Variants in MAGI3 observed in about 807,000 individuals in gnomAD.
The protein encoded by MAGI3 is membrane-associated guanylate kinase, WW and PDZ domain-containing protein 3.
A neutral mutation model predicts 121.8 loss-of-function variants in MAGI3; 43 were observed. That is an observed-to-expected ratio of 0.35 (90% CI 0.28 to 0.46). The LOEUF (loss-of-function observed/expected upper bound fraction) is 0.46. Among genes scored for constraint, MAGI3 ranks in the 20% least tolerant of loss-of-function variants. The probability of loss-of-function intolerance (pLI) is 1.00; values close to 1 mark genes in which losing one functional copy is unlikely to be tolerated. For missense variants in MAGI3, 1,547 were observed against 1,797.3 expected (o/e 0.86, Z 2.52); for synonymous variants, 553 against 639.3 (o/e 0.86, Z 2.04).
chr1:113,429,624 A>G (rs527621675), intron 1 of MAGI3, among the ~76,000 whole-genome samples: 3 of 152,310 alleles, frequency 2.0e-5, no homozygotes, highest in African/African-American at 7.2e-5. Flanking sequence ...TTGGTTGCGG[A>G]AAGTGACCAG....
In MAGI3 at chr1:113,653,847, G is replaced by A. The variant is rs867000529; in HGVS notation, c.2458G>A (p.Asp820Asn). ...TATTACAGAAAAACAACCCGAGGACGACAGCTCTCAGGCCTTCATTTCAAC... is the reference window on the plus strand; with the variant it reads ...TATTACAGAAAAACAACCCGAGGACAACAGCTCTCAGGCCTTCATTTCAAC... ...IFYGEKQPED[D>N]SSQAFISTQN... The change falls in exon 15 of 21, where the codon GAC becomes AAC. Residue 820 changes from aspartate (D) to asparagine (N), a missense_variant. Transcript: ENST00000307546. The A allele has an allele frequency of 1.7e-5, 27 of 1,601,776 alleles. No individual in the cohort carries two copies. The highest frequency in any genetic ancestry group is 6.8e-5 in the African/African-American group (5 of 73,950).
At chr1:113,581,772 A>G (rs1012622360) in intron 3 of MAGI3, among the ~76,000 whole-genome samples, 14 of 151,930 alleles carry the variant, frequency 9.2e-5, no homozygotes, top group Non-Finnish European at 1.6e-4. Context: ...TAACCTAACT[A>G]CCTTTTCTGG....
At chr1:113,433,468 G>A (rs1653406433) in intron 1 of MAGI3, among the ~76,000 whole-genome samples, 2 of 152,126 alleles carry the variant, frequency 1.3e-5, no homozygotes, top group African/African-American at 4.8e-5. Context: ...TAAATCCATA[G>A]CTATTAGGAA....
At chr1:113,604,980 TATATA>T (rs1338073092) in intron 6 of MAGI3, among the ~76,000 whole-genome samples, 6 of 149,818 alleles carry the variant, frequency 4.0e-5, no homozygotes, top group Admixed American at 2.0e-4. Flanking sequence ...ACATATATAA[TATATA>T]ATATATGTAA....
At chr1:113,643,654 T>G (rs1652672638) in intron 10 of MAGI3, 89 bp from the exon 11 acceptor site, 3 of 1,236,394 alleles carry the variant, frequency 2.4e-6, no homozygotes, top group Non-Finnish European at 3.6e-6. Flanking sequence ...TACTAAAAGT[T>G]GAAGCTAGTT....
intron 5 of MAGI3, among the ~76,000 whole-genome samples, chr1:113,591,218 C>T (rs573758970): frequency 3.3e-5 from 5 of 151,914 alleles, no homozygotes; most frequent in African/African-American, 7.2e-5. Context: ...TACTGATTAC[C>T]ATATATATTA....
chr1:113,589,827 A>G (rs1051945742), intron 4 of MAGI3, among the ~76,000 whole-genome samples: 1 of 152,144 alleles, frequency 6.6e-6, no homozygotes, highest in Non-Finnish European at 1.5e-5. Flanking sequence ...TCTTACCTAC[A>G]TTATGGGCTT....
At chr1:113,584,967 CT>C (rs58296325) in intron 3 of MAGI3, among the ~76,000 whole-genome samples, 41 of 135,748 alleles carry the variant, frequency 3.0e-4, no homozygotes, top group East Asian at 2.2e-3. Flanking sequence ...TAGATATTTC[CT>C]TTTTTTTTTT....
intron 1 of MAGI3, among the ~76,000 whole-genome samples, chr1:113,396,173 T>A (rs1177747562): frequency 6.6e-6 from 1 of 152,048 alleles, no homozygotes; most frequent in African/African-American, 2.4e-5. Context: ...AACCCCTAAG[T>A]GCTTTGTAAT....
At chr1:113,495,337 G>GT (rs1346082138) in intron 1 of MAGI3, among the ~76,000 whole-genome samples, 1 of 147,864 alleles carries the variant, frequency 6.8e-6, no homozygotes, top group African/African-American at 2.5e-5. Flanking sequence ...GTGGCATTTT[G>GT]TTTTAGTTTT....
intron 6 of MAGI3, among the ~76,000 whole-genome samples, chr1:113,597,434 A>G (rs898679689): frequency 2.0e-5 from 3 of 152,244 alleles, no homozygotes; most frequent in Non-Finnish European, 1.5e-5. Flanking sequence ...ATTGAACTGT[A>G]TACTTAAAAC....
intron 1 of MAGI3, among the ~76,000 whole-genome samples, chr1:113,472,271 C>T (rs1217874385): frequency 1.3e-5 from 2 of 150,304 alleles, no homozygotes; most frequent in East Asian, 2.0e-4. Context: ...GGCGCGATCT[C>T]GGCTCACTGC....
chr1:113,576,534 G>A (rs964783334), intron 2 of MAGI3, among the ~76,000 whole-genome samples: 1 of 152,152 alleles, frequency 6.6e-6, no homozygotes, highest in South Asian at 2.1e-4. Context: ...ACCTCAGTTG[G>A]AAATGGAGAA....
intron 1 of MAGI3, among the ~76,000 whole-genome samples, chr1:113,425,577 C>G (rs1261215978): frequency 1.3e-5 from 2 of 152,032 alleles, no homozygotes; most frequent in Non-Finnish European, 2.9e-5. Context: ...AGCTACTGCA[C>G]CCAGCCTACA....
At chr1:113,521,457 G>A (rs989063017) in intron 1 of MAGI3, among the ~76,000 whole-genome samples, 3 of 150,110 alleles carry the variant, frequency 2.0e-5, no homozygotes, top group African/African-American at 7.3e-5. Flanking sequence ...GCCCAGGCTG[G>A]AGTGTAGTGG....
chr1:113,644,577 G>A (rs1652730681), intron 11 of MAGI3, among the ~76,000 whole-genome samples: 1 of 152,132 alleles, frequency 6.6e-6, no homozygotes, highest in African/African-American at 2.4e-5. Context: ...CACCACGTCC[G>A]GCTGACTAAA....
chr1:113,443,583 T>A (rs1654021174), intron 1 of MAGI3, among the ~76,000 whole-genome samples: 1 of 152,212 alleles, frequency 6.6e-6, no homozygotes, highest in Non-Finnish European at 1.5e-5. Context: ...ATGCTTAGAA[T>A]GTACCAATGA....
intron 1 of MAGI3, among the ~76,000 whole-genome samples, chr1:113,507,074 G>A (rs1462551840): frequency 6.6e-6 from 1 of 152,086 alleles, no homozygotes; most frequent in Non-Finnish European, 1.5e-5. Context: ...TACATAGTTA[G>A]ATGAACTTGC....
intron 1 of MAGI3, among the ~76,000 whole-genome samples, chr1:113,459,539 C>T (rs1654929494): frequency 6.6e-6 from 1 of 152,146 alleles, no homozygotes; most frequent in African/African-American, 2.4e-5. Flanking sequence ...TTCATTCCTT[C>T]TTAAGTTTCA....
Sources: gnomAD v4.1 joint callset for allele counts (sites outside exome capture counted in the v4.1 genomes callset) on GRCh38, gnomAD v4.1.1 for gene constraint, MANE v1.5 for transcripts, NCBI Gene and HGNC (gene_info 2026-07-23, HGNC 2026-07-21) for gene names.